INSL6: variants seen among roughly 807,000 people sequenced by gnomAD.
The protein encoded by INSL6 is insulin like 6, also known as insulin-like peptide INSL6.
In INSL6, 16 loss-of-function variants were observed where a neutral mutation model predicts 9.4. The observed-to-expected ratio is 1.70, with a 90% confidence interval of 1.15 to 2.59. INSL6 has a LOEUF of 2.59. Among genes scored for constraint, INSL6 ranks in the 30% most tolerant of loss-of-function variants. The pLI, the probability that INSL6 is intolerant of heterozygous loss-of-function variation, is 0.00. For missense variants in INSL6, 391 were observed against 257.3 expected (o/e 1.52, Z -3.56); for synonymous variants, 154 against 96.9 (o/e 1.59, Z -3.46).
chr9:5,048,205 G>C, the INSL6 span, among the ~76,000 whole-genome samples: 1 of 151,738 alleles, frequency 6.6e-6, no homozygotes, highest in Non-Finnish European at 1.5e-5. Flanking sequence ...GCAATGGCGT[G>C]ATCTCGGCTC....
chr9:5,075,812 C>G, the INSL6 span, among the ~76,000 whole-genome samples: 7 of 152,058 alleles, frequency 4.6e-5, no homozygotes, highest in Non-Finnish European at 8.8e-5. Context: ...GGCTAAGCTG[C>G]CATAGATAGT....
chr9:5,049,621 C>T, the INSL6 span, among the ~76,000 whole-genome samples: 1 of 152,188 alleles, frequency 6.6e-6, no homozygotes, highest in Admixed American at 6.5e-5. Flanking sequence ...TTATTTGCTT[C>T]TGTTTCGCTT....
chr9:5,044,750 T>A, the INSL6 span, among the ~76,000 whole-genome samples: 1 of 152,236 alleles, frequency 6.6e-6, no homozygotes, highest in Non-Finnish European at 1.5e-5. Context: ...CCTTTTGAAT[T>A]TCTTTCTTTT....
intron 2 of INSL6, among the ~76,000 whole-genome samples, chr9:5,144,606 C>G (rs12337904): frequency 0.36 from 55,289 of 151,940 alleles, 11,029 homozygotes; most frequent in African/African-American, 0.54. Context: ...TATTGTGTGG[C>G]GGTCTAAGTC....
At chr9:5,009,079 C>T in the INSL6 span, among the ~76,000 whole-genome samples, 1 of 152,140 alleles carries the variant, frequency 6.6e-6, no homozygotes, top group Non-Finnish European at 1.5e-5. Flanking sequence ...CAGCCACTTG[C>T]AAACTTTAAC....
At chr9:5,131,435 A>ATTGTTTTT (rs1824279820) in intron 3 of INSL6, among the ~76,000 whole-genome samples, 1 of 115,858 alleles carries the variant, frequency 8.6e-6, no homozygotes, top group East Asian at 2.3e-4. Flanking sequence ...CCAGTTAACA[A>ATTGTTTTT]TTTTTTTTTT....
At chr9:5,140,946 CTG>C (rs1824483929) in intron 2 of INSL6, among the ~76,000 whole-genome samples, 1 of 152,114 alleles carries the variant, frequency 6.6e-6, no homozygotes, top group Admixed American at 6.6e-5. Flanking sequence ...CCACTTATAA[CTG>C]AGAACATGCG....
At chr9:5,164,754 G>T (rs923323335) in intron 1 of INSL6, among the ~76,000 whole-genome samples, 1 of 152,150 alleles carries the variant, frequency 6.6e-6, no homozygotes, top group Non-Finnish European at 1.5e-5. Flanking sequence ...TTTTGTGTCT[G>T]GTTTCTTTCA....
rs952960600 is a variant in INSL6, at chr9:5,185,495, G to C, written c.108C>G (p.Tyr36Ter). ...AGAGTTTTTCTATTTCTTTCACCAA[G>C]TACCTGCCGCACAGCTTCCTGGCAC... ...ISSARKLCGR[Y>*]LVKEIEKLCG... The change falls in exon 1 of 2, where the codon TAC becomes TAG. Residue 36 changes from tyrosine (Y) to a stop codon, truncating the protein, a stop_gained. Transcript: ENST00000381641. LOFTEE classifies it high-confidence loss of function. The C allele has an allele frequency of 5.0e-6, 8 of 1,614,176 alleles. No individual in the cohort carries two copies. Among genetic ancestry groups the C allele is most frequent in the South Asian group, 1.1e-5 (1 of 91,074 alleles).
chr9:5,022,085 A>C, the INSL6 span: 52 of 1,613,706 alleles, frequency 3.2e-5, no homozygotes, highest in Non-Finnish European at 4.2e-5. Flanking sequence ...AATTCTATGA[A>C]GCAAATAGAT....
the INSL6 span, among the ~76,000 whole-genome samples, chr9:5,058,191 T>G: frequency 6.6e-6 from 1 of 152,196 alleles, no homozygotes; most frequent in Admixed American, 6.5e-5. Context: ...TTTCAATTCC[T>G]TTGGATATAT....
intron 3 of INSL6, among the ~76,000 whole-genome samples, chr9:5,130,440 C>G (rs999057120): frequency 6.6e-6 from 1 of 152,114 alleles, no homozygotes; most frequent in African/African-American, 2.4e-5. Context: ...AGGCATATTA[C>G]AGAGACAACA....
intron 1 of INSL6, among the ~76,000 whole-genome samples, chr9:5,184,560 T>C (rs971388642): frequency 5.3e-5 from 8 of 152,194 alleles, no homozygotes; most frequent in Non-Finnish European, 1.0e-4. Flanking sequence ...GACAAAAATA[T>C]GCATGAAATA....
chr9:5,061,308 G>C, the INSL6 span, among the ~76,000 whole-genome samples: 38 of 152,320 alleles, frequency 2.5e-4, no homozygotes, highest in South Asian at 6.8e-3. Flanking sequence ...CTCTCTAGCT[G>C]TGGAAGTCCT....
the INSL6 span, among the ~76,000 whole-genome samples, chr9:5,104,560 T>C: frequency 4.6e-5 from 7 of 152,328 alleles, no homozygotes; most frequent in Non-Finnish European, 7.3e-5. Flanking sequence ...ACTCATTTTA[T>C]GAGGCCAGCA....
the INSL6 span, among the ~76,000 whole-genome samples, chr9:5,096,367 C>G: frequency 6.6e-6 from 1 of 152,168 alleles, no homozygotes; most frequent in Non-Finnish European, 1.5e-5. Flanking sequence ...TATTCTGCAT[C>G]AGTTGAACGC....
the INSL6 span, among the ~76,000 whole-genome samples, chr9:5,084,778 A>C: frequency 0.01 from 1,546 of 152,334 alleles, 26 homozygotes; most frequent in African/African-American, 0.035. Context: ...AGACACCTCA[A>C]TTAGAATTTA....
intron 1 of INSL6, among the ~76,000 whole-genome samples, chr9:5,170,674 C>T (rs568136549): frequency 1.3e-5 from 2 of 151,914 alleles, no homozygotes; most frequent in African/African-American, 4.8e-5. Flanking sequence ...ACTGACCCCA[C>T]AGAAATACAA....
downstream of INSL6, among the ~76,000 whole-genome samples, chr9:5,160,494 G>C (rs1824903516): frequency 6.6e-6 from 1 of 152,052 alleles, no homozygotes; most frequent in Admixed American, 6.6e-5. Flanking sequence ...GCCTACATCA[G>C]AAAGGCAAAA....
Sources: gnomAD v4.1 joint callset for allele counts (sites outside exome capture counted in the v4.1 genomes callset) on GRCh38, gnomAD v4.1.1 for gene constraint, MANE v1.5 for transcripts, NCBI Gene and HGNC (gene_info 2026-07-23, HGNC 2026-07-21) for gene names.